Variants in CAMK1D observed in about 807,000 individuals in gnomAD.
CAMK1D encodes the protein calcium/calmodulin-dependent protein kinase type 1D.
In CAMK1D, 9 loss-of-function variants were observed where a neutral mutation model predicts 47.7. The ratio of observed to expected loss-of-function variants is 0.19; its 90% CI spans 0.11 to 0.33. CAMK1D has a LOEUF of 0.33. CAMK1D is among the 10% of genes least tolerant of loss of function. The probability of loss-of-function intolerance (pLI) is 1.00; values close to 1 mark genes in which losing one functional copy is unlikely to be tolerated. For missense variants in CAMK1D, 291 were observed against 488.7 expected (o/e 0.60, Z 3.81); for synonymous variants, 184 against 184.9 (o/e 0.99, Z 0.04).
chr10:12,511,641 A>T (rs983522508), intron 1 of CAMK1D, among the ~76,000 whole-genome samples: 1 of 152,182 alleles, frequency 6.6e-6, no homozygotes, highest in Non-Finnish European at 1.5e-5. Context: ...AAAAAACCAC[A>T]TATCTGGGTC....
chr10:12,589,971 A>G (rs1348827678), intron 2 of CAMK1D, among the ~76,000 whole-genome samples: 7 of 152,204 alleles, frequency 4.6e-5, no homozygotes, highest in South Asian at 4.1e-4. Flanking sequence ...GGGAAAGAAC[A>G]GGAGCAAATG....
chr10:12,660,375 G>A (rs1386283227), intron 2 of CAMK1D, among the ~76,000 whole-genome samples: 5 of 152,208 alleles, frequency 3.3e-5, no homozygotes, highest in African/African-American at 1.2e-4. Context: ...ACAGAAGCAC[G>A]TGTAGTCAGT....
At chr10:12,511,742 T>C (rs1338493138) in intron 1 of CAMK1D, among the ~76,000 whole-genome samples, 6 of 152,268 alleles carry the variant, frequency 3.9e-5, no homozygotes, top group Admixed American at 3.9e-4. Context: ...GTGATTCAAA[T>C]GTGCTGCAGT....
intron 2 of CAMK1D, among the ~76,000 whole-genome samples, chr10:12,614,613 T>C (rs1199267982): frequency 6.6e-6 from 1 of 152,224 alleles, no homozygotes; most frequent in African/African-American, 2.4e-5. Context: ...GTAATAACTT[T>C]TGCCTTTCTT....
intron 1 of CAMK1D, among the ~76,000 whole-genome samples, chr10:12,405,720 T>C (rs1437301398): frequency 6.6e-6 from 1 of 152,222 alleles, no homozygotes; most frequent in Non-Finnish European, 1.5e-5. Context: ...CAGGAGTTTG[T>C]TGAGCAAACC....
chr10:12,538,321 C>G (rs1363339287), intron 1 of CAMK1D, among the ~76,000 whole-genome samples: 1 of 152,138 alleles, frequency 6.6e-6, no homozygotes, highest in Non-Finnish European at 1.5e-5. Context: ...CTCTGTGACC[C>G]TCGCGTTTAT....
intron 1 of CAMK1D, among the ~76,000 whole-genome samples, chr10:12,495,066 C>G (rs923972154): frequency 6.6e-6 from 1 of 152,176 alleles, no homozygotes; most frequent in Non-Finnish European, 1.5e-5. Flanking sequence ...CTATCAAAAT[C>G]GTTCAATTAA....
intron 6 of CAMK1D, among the ~76,000 whole-genome samples, chr10:12,793,392 A>G (rs1382466795): frequency 6.6e-6 from 1 of 152,192 alleles, no homozygotes; most frequent in African/African-American, 2.4e-5. Flanking sequence ...GGGCATTGGT[A>G]CAGCTCTGGT....
intron 1 of CAMK1D, among the ~76,000 whole-genome samples, chr10:12,382,644 G>C (rs1405537214): frequency 6.6e-6 from 1 of 152,048 alleles, no homozygotes; most frequent in Admixed American, 6.6e-5. Context: ...GGGCAGCATG[G>C]TAAAATCCCA....
chr10:12,417,273 T>TGAGA (rs139115283), intron 1 of CAMK1D, among the ~76,000 whole-genome samples: 3 of 150,242 alleles, frequency 2.0e-5, no homozygotes, highest in East Asian at 1.9e-4. Context: ...AAAAAGAGAC[T>TGAGA]GAGAGAGAGA....
chr10:12,708,050 C>T (rs568318735), intron 3 of CAMK1D, among the ~76,000 whole-genome samples: 269 of 152,288 alleles, frequency 1.8e-3, no homozygotes, highest in Middle Eastern at 0.01. Flanking sequence ...ACGGCTAGAG[C>T]CCCCATTGTA....
At chr10:12,674,227 T>C (rs1370276037) in intron 3 of CAMK1D, among the ~76,000 whole-genome samples, 1 of 152,222 alleles carries the variant, frequency 6.6e-6, no homozygotes, top group Non-Finnish European at 1.5e-5. Context: ...GAGCCACTGC[T>C]CCTGGCCCCC....
Position 12,392,689 on chromosome 10 carries a change from T to G in CAMK1D, c.92+42779T>G, listed in dbSNP as rs542375439. 6.6e-5 allele frequency among the ~76,000 whole-genome samples: 10 copies of G among 152,302 alleles called. No homozygotes were observed. The East Asian group carries it at 1.9e-3, about 29-fold the overall frequency. On this transcript the variant is annotated intron_variant, in intron 1 of 10. Coordinates refer to ENST00000619168, the MANE Select transcript of CAMK1D (RefSeq NM_153498.4). ...TAAAATCTACTGTCTTAGCAATTTT[T>G]GAGAGCATATACATTGTTATTGAGC...
At chr10:12,697,043 A>G (rs959171589) in intron 3 of CAMK1D, among the ~76,000 whole-genome samples, 3 of 152,182 alleles carry the variant, frequency 2.0e-5, no homozygotes, top group Non-Finnish European at 4.4e-5. Flanking sequence ...TAAATTCGAT[A>G]TGAGTTGCCT....
chr10:12,515,757 C>A (rs924844423), intron 1 of CAMK1D, among the ~76,000 whole-genome samples: 29 of 151,740 alleles, frequency 1.9e-4, no homozygotes, highest in African/African-American at 7.0e-4. Flanking sequence ...CTATAAGCGC[C>A]TGCCACAGCA....
At chr10:12,664,560 G>A (rs1438715612) in intron 2 of CAMK1D, among the ~76,000 whole-genome samples, 5 of 152,202 alleles carry the variant, frequency 3.3e-5, no homozygotes, top group African/African-American at 1.2e-4. Context: ...ACTGGACTCT[G>A]GGGCTCAGAC....
intron 1 of CAMK1D, among the ~76,000 whole-genome samples, chr10:12,461,670 A>G (rs1375097602): frequency 1.4e-5 from 2 of 145,220 alleles, no homozygotes; most frequent in Non-Finnish European, 3.0e-5. Flanking sequence ...GCCTGGTGAC[A>G]GAGCGAGGCT....
chr10:12,753,071 G>A (rs929743861), intron 3 of CAMK1D, among the ~76,000 whole-genome samples: 2 of 152,104 alleles, frequency 1.3e-5, no homozygotes, highest in Non-Finnish European at 2.9e-5. Context: ...GGCCAACATG[G>A]TGAAACCCCA....
intron 3 of CAMK1D, among the ~76,000 whole-genome samples, chr10:12,726,856 G>A (rs369316127): frequency 5.9e-5 from 9 of 152,352 alleles, no homozygotes; most frequent in African/African-American, 2.2e-4. Context: ...CAACGGGATA[G>A]CTCATTTAAA....
Sources: gnomAD v4.1 joint callset for allele counts (sites outside exome capture counted in the v4.1 genomes callset) on GRCh38, gnomAD v4.1.1 for gene constraint, MANE v1.5 for transcripts, NCBI Gene and HGNC (gene_info 2026-07-23, HGNC 2026-07-21) for gene names.